The following SNX30 variants were observed in gnomAD, a reference collection of about 807,000 sequenced individuals.
SNX30 encodes sorting nexin-30.
A neutral mutation model predicts 46.4 loss-of-function variants in SNX30; 24 were observed. The observed-to-expected ratio is 0.52, with a 90% confidence interval of 0.37 to 0.73. The LOEUF is 0.73. Among genes scored for constraint, SNX30 ranks in the 30% least tolerant of loss-of-function variants. The pLI is 0.00. For missense variants in SNX30, 533 were observed against 555.7 expected, an observed-to-expected ratio of 0.96 and a Z score of 0.41; for synonymous variants, 189 against 211.5, an observed-to-expected ratio of 0.89 and a Z score of 0.92.
At chr9:112,858,946 C>G (rs962378099) in intron 7 of SNX30, among the ~76,000 whole-genome samples, 3 of 152,184 alleles carry the variant, frequency 2.0e-5, no homozygotes, top group African/African-American at 7.2e-5. Context: ...GTAAAATATA[C>G]AGAATATAAA....
intron 1 of SNX30, among the ~76,000 whole-genome samples, chr9:112,787,584 T>C (rs991926802): frequency 6.6e-6 from 1 of 152,056 alleles, no homozygotes; most frequent in Non-Finnish European, 1.5e-5. Context: ...GTGATTTTTT[T>C]CCCTCCCTAG....
intron 1 of SNX30, among the ~76,000 whole-genome samples, chr9:112,768,647 CTTT>C (rs58983756): frequency 0.1 from 6,707 of 64,220 alleles, 1,044 homozygotes; most frequent in African/African-American, 0.26. Context: ...ATTCTTTCTT[CTTT>C]TTTTTTTTTT....
intron 4 of SNX30, among the ~76,000 whole-genome samples, chr9:112,834,836 ACACACAAACACAC>A (rs1169187483): frequency 1.9e-5 from 2 of 104,376 alleles, no homozygotes; most frequent in African/African-American, 7.7e-5. Flanking sequence ...AAACACACAC[ACACACAAACACAC>A]ACACACACAC....
At chr9:112,856,072 A>G (rs1588140086) in intron 7 of SNX30, among the ~76,000 whole-genome samples, 1 of 152,140 alleles carries the variant, frequency 6.6e-6, no homozygotes, top group Admixed American at 6.5e-5. Flanking sequence ...GTGCTAATAC[A>G]CTTGGTATAA....
intron 7 of SNX30, among the ~76,000 whole-genome samples, chr9:112,852,454 A>G (rs1356124510): frequency 2.6e-5 from 4 of 152,212 alleles, no homozygotes; most frequent in African/African-American, 9.7e-5. Flanking sequence ...GAACATTCAC[A>G]GATTTTGATA....
At chr9:112,842,817 T>C (rs1038989793) in intron 6 of SNX30, among the ~76,000 whole-genome samples, 1 of 152,140 alleles carries the variant, frequency 6.6e-6, no homozygotes, top group South Asian at 2.1e-4. Context: ...TCGGAACAAA[T>C]GGAACAATGT....
chr9:112,813,308 A>AG (rs1220027255), intron 2 of SNX30, among the ~76,000 whole-genome samples: 1 of 150,634 alleles, frequency 6.6e-6, no homozygotes, highest in African/African-American at 2.4e-5. Context: ...TACAAAAAAA[A>AG]CAAACAAAAA....
intron 3 of SNX30, among the ~76,000 whole-genome samples, chr9:112,823,628 T>C (rs1409259364): frequency 6.6e-6 from 1 of 152,242 alleles, no homozygotes; most frequent in East Asian, 1.9e-4. Context: ...GGAAGAAAGC[T>C]TTCTGGAAGG....
At chr9:112,754,768 C>A (rs1301859565) in intron 1 of SNX30, among the ~76,000 whole-genome samples, 2 of 152,098 alleles carry the variant, frequency 1.3e-5, no homozygotes, top group Non-Finnish European at 2.9e-5. Context: ...TTTTAACTTT[C>A]ATCTGTAAAT....
intron 4 of SNX30, among the ~76,000 whole-genome samples, chr9:112,833,548 G>A (rs1231258645): frequency 2.0e-5 from 3 of 152,186 alleles, no homozygotes; most frequent in African/African-American, 4.8e-5. Context: ...GAGAAATGGG[G>A]ACGCTCAATA....
downstream of SNX30, among the ~76,000 whole-genome samples, chr9:112,883,970 C>T (rs1588149260): frequency 6.6e-6 from 1 of 152,318 alleles, no homozygotes; most frequent in South Asian, 2.1e-4. Context: ...GCTGGGATTA[C>T]AGGCATGAGC....
At chr9:112,778,315 C>T (rs550605659) in intron 1 of SNX30, among the ~76,000 whole-genome samples, 12 of 149,838 alleles carry the variant, frequency 8.0e-5, no homozygotes, top group Middle Eastern at 3.4e-3. Context: ...CTCTGTCACC[C>T]GGGCTGGAGT....
chr9:112,882,201 G>A (rs1261293818), downstream of SNX30, among the ~76,000 whole-genome samples: 1 of 152,136 alleles, frequency 6.6e-6, no homozygotes, highest in Non-Finnish European at 1.5e-5. Context: ...CAACCTCCTG[G>A]GCTCAAGCAA....
chr9:112,804,908 G>A lies in SNX30; in HGVS notation c.289G>A (p.Asp97Asn), dbSNP rs1231991239. 2.5e-6 allele frequency: 4 copies of A among 1,613,678 alleles called. No homozygotes were observed. The highest frequency in any genetic ancestry group is 3.4e-6 in the Non-Finnish European group (4 of 1,179,818). Reference sequence around the variant, plus strand: ...TAGAGATCTCTTCGTTATAGTTGATGATCCCAAGAAGCATGTGTGTACAAT... The same window carrying A: ...TAGAGATCTCTTCGTTATAGTTGATAATCCCAAGAAGCATGTGTGTACAAT... ...ETRDLFVIVD[D>N]PKKHVCTMET... is the part of the protein sequence containing the mutation. The change falls in exon 2 of 9, where the codon GAT becomes AAT. Residue 97 changes from aspartate (D) to asparagine (N), a missense_variant. Around this residue, in one of 3 missense-constraint regions of SNX30, gnomAD observed 191 missense variants for 160.3 expected, o/e 1.19. Transcript: ENST00000374232.
chr9:112,805,098 G>C (rs1840204767), intron 2 of SNX30, 131 bp downstream of exon 2: 1 of 529,928 alleles, frequency 1.9e-6, no homozygotes, highest in African/African-American at 1.9e-5. Context: ...TGTGAGTGTG[G>C]CTTCTTGAGA....
At chr9:112,817,253 G>A (rs181457334) in intron 2 of SNX30, among the ~76,000 whole-genome samples, 2 of 151,992 alleles carry the variant, frequency 1.3e-5, no homozygotes, top group Non-Finnish European at 2.9e-5. Context: ...CACAGATTTG[G>A]ATTTAGTAGC....
rs747592060 is a variant in SNX30, at chr9:112,830,733, C to A, written c.468C>A (p.Pro156=). The change falls in exon 4 of 9, where the codon CCC becomes CCA. Residue 156 remains proline (P), a synonymous_variant. Transcript: ENST00000374232. ...TCTTCATGTCTTCATAGCCTCTTCC[C>A]GAGAAGTTTGTGGTAAAAGGTGTTG... The part of the protein sequence containing the change: ...SQPTHLIPPL[P]EKFVVKGVVD... 3.1e-6 allele frequency: 5 copies of A among 1,609,018 alleles called. No individual in the cohort carries two copies. In the African/African-American group the frequency reaches 5.4e-5, roughly 17 times the overall value.
At chr9:112,882,353 C>T (rs1841590512), downstream of SNX30, among the ~76,000 whole-genome samples, 1 of 152,214 alleles carries the variant, frequency 6.6e-6, no homozygotes, top group African/African-American at 2.4e-5. Context: ...GCAATTCCCC[C>T]ACCTCAGCCT....
Position 112,844,802 on chromosome 9 carries a change from G to A in SNX30, c.1015-6057G>A, listed in dbSNP as rs9987688. Among the ~76,000 whole-genome samples the A allele has an allele frequency of 1.0e-2, 1,520 of 152,304 alleles. 17 individuals are homozygous for A. The highest frequency in any genetic ancestry group is 0.028 in the African/African-American group (1,168 of 41,568). ...CATTCCGGGTTAGTCCTTTTCAAAA[G>A]CCAATTTAAATTGTCAGGCGGTTTC... On this transcript the variant is annotated intron_variant, in intron 6 of 8. Transcript: ENST00000374232.
Sources: gnomAD v4.1 joint callset for allele counts (sites outside exome capture counted in the v4.1 genomes callset) on GRCh38, gnomAD v4.1.1 for gene constraint, gnomAD v4.1.1 regional missense constraint, MANE v1.5 for transcripts, NCBI Gene and HGNC (gene_info 2026-07-23, HGNC 2026-07-21) for gene names.